The following MAPKAPK3 variants were observed in gnomAD, a reference collection of about 807,000 sequenced individuals.
The protein encoded by MAPKAPK3 is MAPK activated protein kinase 3, also known as MAP kinase-activated protein kinase 3.
In MAPKAPK3, 35 loss-of-function variants were observed where a neutral mutation model predicts 49.2. That is an observed-to-expected ratio of 0.71 (90% CI 0.54 to 0.94). The LOEUF is 0.94. Ranked by LOEUF, MAPKAPK3 falls within the 40% of genes least tolerant of loss-of-function variation. The probability of loss-of-function intolerance (pLI) is 0.00; values close to 1 mark genes in which losing one functional copy is unlikely to be tolerated. For missense variants in MAPKAPK3, 398 were observed against 493.1 expected (o/e 0.81, Z 1.83); for synonymous variants, 178 against 188.7 (o/e 0.94, Z 0.46).
chr3:50,617,931 G>A (rs2032514371), intron 2 of MAPKAPK3, 147 bp downstream of exon 2: 8 of 633,284 alleles, frequency 1.3e-5, no homozygotes, highest in South Asian at 2.1e-5. Flanking sequence ...TCAGGCTTGT[G>A]GTCCTCCCTA....
intron 2 of MAPKAPK3, among the ~76,000 whole-genome samples, chr3:50,618,613 G>A (rs2032531135): frequency 6.6e-6 from 1 of 152,208 alleles, no homozygotes; most frequent in South Asian, 2.1e-4. Flanking sequence ...TGTAGCTTGT[G>A]CCAATGGATG....
intron 8 of MAPKAPK3, 81 bp from the exon 9 acceptor site, chr3:50,646,659 C>G: frequency 7.9e-7 from 1 of 1,267,214 alleles, no homozygotes; most frequent in South Asian, 1.2e-5. Context: ...CCTGCCCCAG[C>G]AGAGCTTGTG....
intron 2 of MAPKAPK3, among the ~76,000 whole-genome samples, chr3:50,632,737 AGGTTAATTGGCCAGGGGTAT>A (rs2032943352): frequency 1.3e-5 from 2 of 152,382 alleles, no homozygotes; most frequent in Admixed American, 1.3e-4. Context: ...CCGGGGCTGC[AGGTTAATTGGCCAGGGGTAT>A]GGAGGTTGGG....
In MAPKAPK3 at chr3:50,647,151, T is replaced by C; in HGVS notation, c.944T>C (p.Leu315Pro). The C allele has an allele frequency of 6.3e-7, 1 of 1,594,674 alleles. No homozygotes were observed. Among genetic ancestry groups the C allele is most frequent in the Non-Finnish European group, 8.5e-7 (1 of 1,170,468 alleles). ...NQSMVVPQTP[L>P]HTARVLQEDK... is the part of the protein sequence containing the mutation. ...TCGATGGTAGTGCCACAGACCCCAC[T>C]CCACACGGCCCGAGTGCTGCAGGAG... The change falls in exon 10 of 11, where the codon CTC (leucine) becomes CCC (proline). Residue 315 changes from leucine to proline, a missense_variant. Around this residue, in one of 5 missense-constraint regions of MAPKAPK3, gnomAD observed 152 missense variants for 177.3 expected, o/e 0.86. Transcript: ENST00000621469.
chr3:50,617,668 A>C lies in MAPKAPK3; in HGVS notation c.103A>C (p.Lys35Gln). The change falls in exon 2 of 11, where the codon AAG becomes CAG. Residue 35 changes from lysine to glutamine, a missense_variant. This residue lies in a region of MAPKAPK3 where 123 missense variants were observed against 117.7 expected (regional missense o/e 1.04). Coordinates refer to ENST00000621469, the MANE Select transcript of MAPKAPK3 (RefSeq NM_001243925.2). Reference protein sequence around the residue: ...GGAPGGRREPKKYAVTDDYQL... With the variant: ...GGAPGGRREPQKYAVTDDYQL... ...TGCTCCGGGGGGGCGGCGGGAGCCC[A>C]AGAAGTACGCAGTGACCGACGACTA... 1 of 1,612,700 alleles carries C rather than the reference A, an allele frequency of 6.2e-7. No individual in the cohort carries two copies. The highest frequency in any genetic ancestry group is 8.5e-7 in the Non-Finnish European group (1 of 1,179,346).
intron 2 of MAPKAPK3, among the ~76,000 whole-genome samples, chr3:50,622,107 G>T (rs2107575282): frequency 6.6e-6 from 1 of 152,342 alleles, no homozygotes; most frequent in East Asian, 1.9e-4. Flanking sequence ...CTTGATGCCA[G>T]TTGGCTTCCG....
intron 3 of MAPKAPK3, among the ~76,000 whole-genome samples, chr3:50,640,762 G>C (rs1299606996): frequency 6.6e-6 from 1 of 152,240 alleles, no homozygotes; most frequent in Non-Finnish European, 1.5e-5. Context: ...TCTACTCTGT[G>C]AGGAGGACTG....
At chr3:50,646,360 A>G in intron 8 of MAPKAPK3, 96 bp downstream of exon 8, 1 of 1,554,364 alleles carries the variant, frequency 6.4e-7, no homozygotes, top group East Asian at 2.3e-5. Flanking sequence ...CTGTGTTCAA[A>G]TCTTGGCTCC....
intron 2 of MAPKAPK3, among the ~76,000 whole-genome samples, chr3:50,631,278 A>T (rs952149428): frequency 2.6e-5 from 4 of 152,194 alleles, no homozygotes; most frequent in Non-Finnish European, 5.9e-5. Context: ...TAGATATTAC[A>T]CTACCTTCCA....
chr3:50,641,404 G>C (rs2033173169), intron 3 of MAPKAPK3, among the ~76,000 whole-genome samples: 1 of 152,192 alleles, frequency 6.6e-6, no homozygotes, highest in Non-Finnish European at 1.5e-5. Flanking sequence ...GACTTGAATG[G>C]GGTTGGGAGT....
chr3:50,614,588 C>T (rs551510054), upstream of MAPKAPK3, among the ~76,000 whole-genome samples: 2 of 151,736 alleles, frequency 1.3e-5, no homozygotes, highest in East Asian at 3.9e-4. Context: ...GTCTCTGTCC[C>T]CTTGGACACA....
intron 5 of MAPKAPK3, 83 bp from the exon 6 acceptor site, chr3:50,644,326 G>A: frequency 6.5e-7 from 1 of 1,531,598 alleles, no homozygotes; most frequent in Non-Finnish European, 9.0e-7. Context: ...GATGGAGTCG[G>A]GGAGTCTGGC....
At chr3:50,636,887 G>A (rs886233291) in intron 2 of MAPKAPK3, among the ~76,000 whole-genome samples, 5 of 152,016 alleles carry the variant, frequency 3.3e-5, no homozygotes, top group South Asian at 2.1e-4. Context: ...TCTGGCTCCT[G>A]TGATGTACTC....
chr3:50,638,909 C>T (rs1272810594), intron 2 of MAPKAPK3, among the ~76,000 whole-genome samples: 1 of 152,210 alleles, frequency 6.6e-6, no homozygotes, highest in Non-Finnish European at 1.5e-5. Context: ...GCCCTGGTCC[C>T]CAGCCCTCCT....
chr3:50,621,855 T>G (rs1047985680), intron 2 of MAPKAPK3, among the ~76,000 whole-genome samples: 1 of 152,186 alleles, frequency 6.6e-6, no homozygotes, highest in Non-Finnish European at 1.5e-5. Context: ...TGTTATGGAC[T>G]GTGGGGCTGG....
At chr3:50,637,403 T>C (rs1302277265) in intron 2 of MAPKAPK3, among the ~76,000 whole-genome samples, 1 of 151,206 alleles carries the variant, frequency 6.6e-6, no homozygotes, top group Non-Finnish European at 1.5e-5. Flanking sequence ...CCCAGCACTT[T>C]GGGTGGGTGG....
chr3:50,616,700 C>T (rs407164), upstream of MAPKAPK3, among the ~76,000 whole-genome samples: 145,169 of 152,190 alleles, frequency 0.95, 69,650 homozygotes, highest in East Asian at 1. Flanking sequence ...AAGATGCCAC[C>T]TCCCTCGGCA....
intron 2 of MAPKAPK3, among the ~76,000 whole-genome samples, chr3:50,627,184 CAAAAAAAA>C (rs144747460): frequency 1.1e-5 from 1 of 91,322 alleles, no homozygotes; most frequent in African/African-American, 4.2e-5. Flanking sequence ...AACTCCATCT[CAAAAAAAA>C]AAAAAAAAAA....
intron 6 of MAPKAPK3, among the ~76,000 whole-genome samples, chr3:50,645,384 G>T (rs147674866): frequency 6.6e-6 from 1 of 152,148 alleles, no homozygotes; most frequent in Non-Finnish European, 1.5e-5. Flanking sequence ...CAGCTGGCAG[G>T]CCAAGACCCT....
Sources: allele counts gnomAD v4.1 joint callset (sites outside exome capture counted in the v4.1 genomes callset), GRCh38; gene constraint gnomAD v4.1.1; regional missense constraint gnomAD v4.1.1; transcripts MANE v1.5; gene names NCBI Gene and HGNC (gene_info 2026-07-23, HGNC 2026-07-21).